MAP1B: variants seen among roughly 807,000 people sequenced by gnomAD.
The protein encoded by MAP1B is microtubule-associated protein 1B.
MAP1B carries 12 observed loss-of-function variants against 176.1 expected under a neutral mutation model. That is an observed-to-expected ratio of 0.07 (90% CI 0.04 to 0.11). The LOEUF is 0.11. Among genes scored for constraint, MAP1B ranks in the 10% least tolerant of loss-of-function variants. The pLI, the probability that MAP1B is intolerant of heterozygous loss-of-function variation, is 1.00. For synonymous variants in MAP1B, 1,044 were observed against 1,135.0 expected (o/e 0.92, Z 1.61); for missense variants, 2,523 against 2,990.5 (o/e 0.84, Z 3.65).
chr5:72,132,754 A>AT (rs1356192555), intron 2 of MAP1B, among the ~76,000 whole-genome samples: 1 of 152,160 alleles, frequency 6.6e-6, no homozygotes, highest in Non-Finnish European at 1.5e-5. Context: ...ATTTTCTAAA[A>AT]TTTTATTTTG....
intron 1 of MAP1B, among the ~76,000 whole-genome samples, chr5:72,108,369 C>T (rs976931534): frequency 6.6e-6 from 1 of 152,248 alleles, no homozygotes; most frequent in African/African-American, 2.4e-5. Flanking sequence ...TCGCTACCGC[C>T]CTTGGGGCCT....
rs138591814 is a variant in MAP1B, at chr5:72,153,537, G to A, written c.287-30206G>A. Among the ~76,000 whole-genome samples, 19 of 152,056 alleles carry A rather than the reference G, an allele frequency of 1.2e-4. No homozygotes were observed. The East Asian group carries it at 3.5e-3, about 28-fold the overall frequency. On this transcript the variant is annotated intron_variant, in intron 2 of 6. Coordinates refer to ENST00000296755, the MANE Select transcript of MAP1B (RefSeq NM_005909.5). The stretch of plus-strand genomic sequence containing the variant: ...TGAGGCCTGGAGTCAGTGTGGGGGT[G>A]ATTTGTAATGACAAGTTGGAATTGA...
chr5:72,151,521 G>A (rs1040439217), intron 2 of MAP1B, among the ~76,000 whole-genome samples: 2 of 152,218 alleles, frequency 1.3e-5, no homozygotes, highest in African/African-American at 4.8e-5. Flanking sequence ...TGGCTATGTG[G>A]AAAAAGTACT....
At position 72,195,676 on chromosome 5, in the gene MAP1B, G is replaced by A; in HGVS notation, c.2321G>A (p.Gly774Glu). The A allele has an allele frequency of 6.2e-7, 1 of 1,614,234 alleles. No homozygotes were observed. Among genetic ancestry groups the A allele is most frequent in the South Asian group, 1.1e-5 (1 of 91,084 alleles). ...GTCAAGAAAGATTCTGTTGCTGCCG[G>A]AAAGCCAAAGGAGAAGGGGAAAATA... is the stretch of plus-strand genomic sequence containing the variant. ...ESVKKDSVAA[G>E]KPKEKGKIKV... The change falls in exon 5 of 7, where the codon GGA (glycine) becomes GAA (glutamate). Residue 774 changes from glycine to glutamate, a missense_variant. Around this residue, in one of 4 missense-constraint regions of MAP1B, gnomAD observed 1,925 missense variants for 2,126.0 expected, o/e 0.91. Transcript: ENST00000296755.
intron 1 of MAP1B, among the ~76,000 whole-genome samples, chr5:72,112,459 AT>A (rs1230538692): frequency 6.6e-6 from 1 of 151,866 alleles, no homozygotes; most frequent in African/African-American, 2.4e-5. Flanking sequence ...ACTTCTCCTC[AT>A]TTTTCACCCT....
At chr5:72,173,697 C>T (rs1746587937) in intron 2 of MAP1B, among the ~76,000 whole-genome samples, 2 of 152,178 alleles carry the variant, frequency 1.3e-5, no homozygotes, top group Admixed American at 1.3e-4. Flanking sequence ...TATTCTATAA[C>T]ATTCTGAGGA....
At chr5:72,145,100 A>C (rs1185621403) in intron 2 of MAP1B, among the ~76,000 whole-genome samples, 1 of 152,150 alleles carries the variant, frequency 6.6e-6, no homozygotes, top group African/African-American at 2.4e-5. Context: ...TCAGTTTGTT[A>C]ATAGTTTTTA....
chr5:72,108,536 G>A (rs1745191388), intron 1 of MAP1B, among the ~76,000 whole-genome samples: 1 of 152,234 alleles, frequency 6.6e-6, no homozygotes, highest in African/African-American at 2.4e-5. Flanking sequence ...CGCACCAGTG[G>A]CGCGCTCTGC....
At chr5:72,155,546 T>G (rs1746211641) in intron 2 of MAP1B, among the ~76,000 whole-genome samples, 1 of 152,232 alleles carries the variant, frequency 6.6e-6, no homozygotes, top group African/African-American at 2.4e-5. Context: ...TGTGACAATA[T>G]GCAGTTTTGC....
intron 2 of MAP1B, among the ~76,000 whole-genome samples, chr5:72,127,125 T>C (rs1745644711): frequency 6.6e-6 from 1 of 152,196 alleles, no homozygotes. Context: ...TATCTGCAGG[T>C]TGAAGGTGTT....
At position 72,207,452 on chromosome 5, in the gene MAP1B, A is replaced by C. The variant is rs933754627; in HGVS notation, c.*2213A>C. 6.6e-6 allele frequency: 1 copy of C among 152,220 alleles called. No homozygotes were observed. Among genetic ancestry groups the C allele is most frequent in the Admixed American group, 6.5e-5 (1 of 15,286 alleles). 9.4% of individuals were successfully genotyped at this position (152,220 alleles called of 1,614,324 possible). A position where few individuals can be genotyped will look rare whatever the true frequency, so the allele number is the denominator to read the frequency against. ...ACTGAGGACCTATGCAGTCTACTTA[A>C]TGCTGTGAATTACATTTTTCAAATG... On this transcript the variant is annotated 3_prime_UTR_variant, in exon 7 of 7. Coordinates refer to ENST00000296755, the MANE Select transcript of MAP1B (RefSeq NM_005909.5).
chr5:72,193,359 TTGC>T, intron 4 of MAP1B: 1 of 360,794 alleles, frequency 2.8e-6, no homozygotes, highest in Middle Eastern at 4.7e-4. Flanking sequence ...TTTTTTTTTT[TTGC>T]CAAGTCTAGT....
intron 2 of MAP1B, among the ~76,000 whole-genome samples, chr5:72,175,108 A>G (rs572583440): frequency 7.2e-6 from 1 of 139,354 alleles, no homozygotes; most frequent in Admixed American, 8.0e-5. Context: ...TCTGTTGCCC[A>G]GGCTGGAGTG....
chr5:72,167,515 C>T (rs1477904359), intron 2 of MAP1B, among the ~76,000 whole-genome samples: 1 of 152,218 alleles, frequency 6.6e-6, no homozygotes, highest in African/African-American at 2.4e-5. Flanking sequence ...AATCATCCAT[C>T]TGTAAGAAAA....
intron 2 of MAP1B, among the ~76,000 whole-genome samples, chr5:72,163,240 AAAAAAAAAG>A (rs1746360331): frequency 6.6e-6 from 1 of 151,554 alleles, no homozygotes; most frequent in Admixed American, 6.6e-5. Context: ...AAAAAAAAAA[AAAAAAAAAG>A]AAAGAAAAAT....
chr5:72,143,078 T>G (rs2112156043), intron 2 of MAP1B, among the ~76,000 whole-genome samples: 1 of 152,200 alleles, frequency 6.6e-6, no homozygotes, highest in East Asian at 1.9e-4. Flanking sequence ...TGTGTGTGTG[T>G]GAGTGTGTGC....
Position 72,199,375 on chromosome 5 carries a change from C to G in MAP1B, c.6020C>G (p.Ser2007Cys). ...CACACACTTGGGGACCCCAGCTACT[C>G]TTATGAAACCACTGAGAAAATTACC... ...GGHTLGDPSY[S>C]YETTEKITSF... The change falls in exon 5 of 7, where the codon TCT becomes TGT. Residue 2007 changes from serine (S) to cysteine (C), a missense_variant. Physicochemically the swap from Ser to Cys is moderately radical, Grantham distance 112. Around this residue, in one of 4 missense-constraint regions of MAP1B, gnomAD observed 1,925 missense variants for 2,126.0 expected, o/e 0.91. Coordinates refer to ENST00000296755, the MANE Select transcript of MAP1B (RefSeq NM_005909.5). This position sits in a 1 kb window ranked among gnomAD's most constrained non-coding sequence, Gnocchi z 4.2. 1.2e-6 allele frequency: 2 copies of G among 1,614,158 alleles called. No homozygotes were observed. The highest frequency in any genetic ancestry group is 1.7e-6 in the Non-Finnish European group (2 of 1,180,022).
At chr5:72,108,289 C>A (rs1745164782) in intron 1 of MAP1B, among the ~76,000 whole-genome samples, 1 of 152,236 alleles carries the variant, frequency 6.6e-6, no homozygotes, top group Non-Finnish European at 1.5e-5. Flanking sequence ...CCGCTCCCCC[C>A]GCCCCCCCCT....
chr5:72,176,041 C>T (rs1056176377), intron 2 of MAP1B, among the ~76,000 whole-genome samples: 9 of 152,160 alleles, frequency 5.9e-5, no homozygotes, highest in African/African-American at 2.2e-4. Flanking sequence ...GAAACAGATA[C>T]ATAAACAAAA....
Sources: gnomAD v4.1 joint callset for allele counts (sites outside exome capture counted in the v4.1 genomes callset) on GRCh38, gnomAD v4.1.1 for gene constraint, gnomAD v4.1.1 regional missense constraint, Gnocchi (gnomAD v3.1) non-coding constraint, MANE v1.5 for transcripts, NCBI Gene and HGNC (gene_info 2026-07-23, HGNC 2026-07-21) for gene names.